Variants in PRKN observed in about 807,000 individuals in gnomAD.
The protein encoded by PRKN is parkin RBR E3 ubiquitin protein ligase.
A neutral mutation model predicts 59.5 loss-of-function variants in PRKN; 56 were observed. The ratio of observed to expected loss-of-function variants is 0.94; its 90% CI spans 0.76 to 1.18. The LOEUF is 1.18. Among genes scored for constraint, PRKN ranks in the 50% most tolerant of loss-of-function variants. The pLI is 0.00. For missense variants in PRKN, 657 were observed against 596.4 expected (o/e 1.10, Z -1.06); for synonymous variants, 250 against 222.1 (o/e 1.13, Z -1.12).
In PRKN at chr6:162,359,079, A is replaced by AATATATATAT. The variant is rs1554304695; in HGVS notation, c.171+84221_171+84230dup. Among the ~76,000 whole-genome samples, 196 of 83,170 alleles carry AATATATATAT rather than the reference A, an allele frequency of 2.4e-3. 1 individual carries two copies. The highest frequency in any genetic ancestry group is 6.0e-3 in the Middle Eastern group (1 of 166). 54.6% of individuals were successfully genotyped at this position (83,170 alleles called of 152,430 possible). On this transcript the variant is annotated intron_variant, in intron 2 of 11. Transcript: ENST00000366898. ...TGTGGCAAAAAAAAAAAAAAAAAAAAATATATATATATATATATGAAATCA... is the reference window on the plus strand; with the variant it reads ...TGTGGCAAAAAAAAAAAAAAAAAAAAATATATATATATATATATATATATATATGAAATCA...
intron 1 of PRKN, among the ~76,000 whole-genome samples, chr6:162,580,571 A>C (rs967382291): frequency 6.7e-6 from 1 of 149,888 alleles, no homozygotes; most frequent in African/African-American, 2.5e-5. Context: ...AAACAGAGAA[A>C]AAAAAAAAAA....
chr6:162,697,573 T>G (rs947934603), intron 1 of PRKN, among the ~76,000 whole-genome samples: 1 of 152,240 alleles, frequency 6.6e-6, no homozygotes, highest in South Asian at 2.1e-4. Context: ...GCTGCCTTTT[T>G]TGGAGATTAT....
chr6:161,365,629 T>G (rs1489762431), intron 10 of PRKN, among the ~76,000 whole-genome samples: 1 of 152,130 alleles, frequency 6.6e-6, no homozygotes, highest in Non-Finnish European at 1.5e-5. Context: ...AGAGAAATAA[T>G]TACTTTTCAA....
At chr6:162,422,020 C>T (rs1301477906) in intron 2 of PRKN, among the ~76,000 whole-genome samples, 1 of 152,160 alleles carries the variant, frequency 6.6e-6, no homozygotes, top group Non-Finnish European at 1.5e-5. Flanking sequence ...TCACATATGG[C>T]TGCTCTGGGA....
At chr6:162,346,003 C>G (rs1158296368) in intron 2 of PRKN, among the ~76,000 whole-genome samples, 1 of 152,112 alleles carries the variant, frequency 6.6e-6, no homozygotes, top group Non-Finnish European at 1.5e-5. Flanking sequence ...GAGATCTTAG[C>G]TGGCATGCTC....
At chr6:161,430,642 T>C (rs994938889) in intron 9 of PRKN, among the ~76,000 whole-genome samples, 53 of 151,388 alleles carry the variant, frequency 3.5e-4, no homozygotes, top group Admixed American at 1.3e-3. Flanking sequence ...AGTGAAACCC[T>C]GTCTCTACTA....
At chr6:161,943,274 A>G (rs932799147) in intron 6 of PRKN, among the ~76,000 whole-genome samples, 7 of 152,124 alleles carry the variant, frequency 4.6e-5, no homozygotes, top group African/African-American at 1.7e-4. Flanking sequence ...CAAATAAGAC[A>G]AAAAAAATTA....
chr6:162,325,362 T>C (rs1783222506), intron 2 of PRKN, among the ~76,000 whole-genome samples: 1 of 152,162 alleles, frequency 6.6e-6, no homozygotes, highest in African/African-American at 2.4e-5. Context: ...TAGTCTTGGG[T>C]AAAATTTAAA....
chr6:162,431,132 G>C (rs1037110271), intron 2 of PRKN, among the ~76,000 whole-genome samples: 1 of 151,844 alleles, frequency 6.6e-6, no homozygotes, highest in African/African-American at 2.4e-5. Flanking sequence ...TGTATTTATA[G>C]AGAGTCAGTT....
chr6:161,972,795 G>C (rs986283144), intron 6 of PRKN, among the ~76,000 whole-genome samples: 2 of 152,328 alleles, frequency 1.3e-5, no homozygotes, highest in African/African-American at 4.8e-5. Context: ...ACTTTGGGAG[G>C]CTGAGGTGGG....
At chr6:161,668,133 G>T (rs886829406) in intron 7 of PRKN, among the ~76,000 whole-genome samples, 3 of 151,770 alleles carry the variant, frequency 2.0e-5, no homozygotes, top group African/African-American at 7.3e-5. Context: ...TCGCTCATCT[G>T]GGAATAAATC....
chr6:162,325,185 ATTTAAGCTC>A (rs1783212864), intron 2 of PRKN, among the ~76,000 whole-genome samples: 1 of 151,832 alleles, frequency 6.6e-6, no homozygotes, highest in Non-Finnish European at 1.5e-5. Context: ...CAGGCTCTCA[ATTTAAGCTC>A]TTTGAATGTA....
intron 2 of PRKN, among the ~76,000 whole-genome samples, chr6:162,420,150 T>C (rs1788880397): frequency 6.6e-6 from 1 of 151,886 alleles, no homozygotes; most frequent in South Asian, 2.1e-4. Flanking sequence ...CTTGTTTTCC[T>C]GCAACTAGAT....
At chr6:162,349,485 A>G (rs184028202) in intron 2 of PRKN, among the ~76,000 whole-genome samples, 3 of 152,154 alleles carry the variant, frequency 2.0e-5, no homozygotes, top group African/African-American at 7.2e-5. Context: ...AAATAAACAA[A>G]CAAAAAATGA....
At position 161,377,069 on chromosome 6, in the gene PRKN, G is replaced by A. The variant is rs1385715821; in HGVS notation, c.1167+9725C>T. 3.3e-5 allele frequency among the ~76,000 whole-genome samples: 5 copies of A among 152,258 alleles called. No individual in the cohort carries two copies. Among genetic ancestry groups the A allele is most frequent in the Admixed American group, 6.5e-5 (1 of 15,292 alleles). On this transcript the variant is annotated intron_variant, in intron 10 of 11. Transcript: ENST00000366898. This position sits in a 1 kb window ranked among gnomAD's most constrained non-coding sequence, Gnocchi z 4.2. Reference sequence around the variant, plus strand: ...CCCTGTCTCTGCGGCTGTGCACGCAGGCAGACCCTGTGGATTCCAGGTGTC... The same window carrying A: ...CCCTGTCTCTGCGGCTGTGCACGCAAGCAGACCCTGTGGATTCCAGGTGTC...
chr6:162,335,286 C>T (rs1292805091), intron 2 of PRKN, among the ~76,000 whole-genome samples: 1 of 151,972 alleles, frequency 6.6e-6, no homozygotes, highest in African/African-American at 2.4e-5. Flanking sequence ...AGGTGATCTG[C>T]CTGCCTCGGC....
chr6:161,489,881 T>A (rs1289821295), intron 9 of PRKN, among the ~76,000 whole-genome samples: 1 of 152,240 alleles, frequency 6.6e-6, no homozygotes, highest in Non-Finnish European at 1.5e-5. Context: ...GGCTTGTTGC[T>A]GATTATGCTA....
chr6:162,031,118 T>C (rs1783620106), intron 5 of PRKN, among the ~76,000 whole-genome samples: 1 of 152,142 alleles, frequency 6.6e-6, no homozygotes, highest in Non-Finnish European at 1.5e-5. Flanking sequence ...AAATAAACAA[T>C]GCAGCTGAGA....
intron 2 of PRKN, among the ~76,000 whole-genome samples, chr6:162,309,202 C>A (rs1159021999): frequency 6.6e-6 from 1 of 152,086 alleles, no homozygotes; most frequent in Non-Finnish European, 1.5e-5. Flanking sequence ...ACTCTGTCAC[C>A]CAGCCTGGAG....
Sources: allele counts gnomAD v4.1 joint callset (sites outside exome capture counted in the v4.1 genomes callset), GRCh38; gene constraint gnomAD v4.1.1; non-coding constraint Gnocchi (gnomAD v3.1); transcripts MANE v1.5; gene names NCBI Gene and HGNC (gene_info 2026-07-23, HGNC 2026-07-21).